Variants in INPP4B observed in about 807,000 individuals in gnomAD.
The protein encoded by INPP4B is inositol polyphosphate-4-phosphatase type II B.
Under a neutral mutation model 122.5 loss-of-function variants are expected in INPP4B, and 55 were observed. The ratio of observed to expected loss-of-function variants is 0.45; its 90% CI spans 0.36 to 0.56. The LOEUF is 0.56. Ranked by LOEUF, INPP4B falls within the 20% of genes least tolerant of loss-of-function variation. INPP4B has a pLI of 0.00. For missense variants in INPP4B, 1,000 were observed against 1,097.7 expected, an observed-to-expected ratio of 0.91 and a Z score of 1.26; for synonymous variants, 403 against 388.7, an observed-to-expected ratio of 1.04 and a Z score of -0.43.
intron 18 of INPP4B, among the ~76,000 whole-genome samples, chr4:142,126,123 C>T (rs1341703450): frequency 6.6e-6 from 1 of 152,024 alleles, no homozygotes; most frequent in African/African-American, 2.4e-5. Context: ...GATCAAAGCC[C>T]TGGCAAATGT....
chr4:142,386,599 A>G (rs1443563534), intron 7 of INPP4B, among the ~76,000 whole-genome samples: 1 of 152,176 alleles, frequency 6.6e-6, no homozygotes, highest in East Asian at 1.9e-4. Flanking sequence ...GAGTGTTCAA[A>G]CCACGTTCAA....
chr4:142,037,965 G>C (rs542049995), intron 25 of INPP4B, among the ~76,000 whole-genome samples: 43 of 152,062 alleles, frequency 2.8e-4, no homozygotes, highest in Middle Eastern at 3.2e-3. Flanking sequence ...AGTTTCCATA[G>C]TAACAAATAG....
chr4:142,483,181 G>GTTTTTTTTTT (rs1231258221), intron 2 of INPP4B, among the ~76,000 whole-genome samples: 1 of 72,396 alleles, frequency 1.4e-5, no homozygotes, highest in African/African-American at 8.5e-5. Context: ...GTCAGGCTAT[G>GTTTTTTTTTT]CTTTTTTTTT....
At chr4:142,312,202 C>T (rs1380633803) in intron 8 of INPP4B, among the ~76,000 whole-genome samples, 1 of 152,102 alleles carries the variant, frequency 6.6e-6, no homozygotes, top group East Asian at 1.9e-4. Context: ...GTGTTTGAGG[C>T]AAGCAATCTC....
In INPP4B at chr4:142,264,490, C is replaced by T. The variant is rs1213997396; in HGVS notation, c.616-3926G>A. On this transcript the variant is annotated intron_variant, in intron 10 of 25. Transcript: ENST00000262992. ...CTCTTGTAATTTTTTCTTTCTACTA[C>T]TATGTGGTTTTAATGCTTTATCTTC... 2.6e-5 allele frequency among the ~76,000 whole-genome samples: 4 copies of T among 152,074 alleles called. No homozygotes were observed. In the East Asian group the frequency reaches 7.7e-4, roughly 29 times the overall value.
chr4:142,058,282 T>G (rs557191339), intron 25 of INPP4B, among the ~76,000 whole-genome samples: 1 of 152,246 alleles, frequency 6.6e-6, no homozygotes, highest in Admixed American at 6.6e-5. Flanking sequence ...TATACTGATT[T>G]GACATTTTCA....
chr4:142,323,605 C>A (rs547182321), intron 7 of INPP4B, among the ~76,000 whole-genome samples: 1 of 152,018 alleles, frequency 6.6e-6, no homozygotes, highest in Non-Finnish European at 1.5e-5. Context: ...GCCACCACGC[C>A]TGGCTAATTT....
intron 2 of INPP4B, among the ~76,000 whole-genome samples, chr4:142,535,907 A>G (rs1216682489): frequency 1.3e-5 from 2 of 152,168 alleles, no homozygotes; most frequent in Non-Finnish European, 2.9e-5. Flanking sequence ...AACATTTCCA[A>G]CTGGATGTCC....
chr4:142,486,863 T>C (rs1233410502), intron 2 of INPP4B, among the ~76,000 whole-genome samples: 1 of 152,222 alleles, frequency 6.6e-6, no homozygotes, highest in Non-Finnish European at 1.5e-5. Flanking sequence ...AGTAAATGCC[T>C]TGATGCCTAT....
chr4:142,178,881 T>C (rs1239372815), intron 15 of INPP4B, among the ~76,000 whole-genome samples: 3 of 148,996 alleles, frequency 2.0e-5, no homozygotes, highest in Non-Finnish European at 4.4e-5. Context: ...GGAAGGAATA[T>C]ATATGCTCTC....
chr4:142,527,297 T>C (rs1403116157), intron 2 of INPP4B, among the ~76,000 whole-genome samples: 5 of 151,938 alleles, frequency 3.3e-5, no homozygotes, highest in Admixed American at 2.6e-4. Context: ...ATATTCAAAT[T>C]CATACCAGAA....
At chr4:142,774,037 T>C (rs958784032) in intron 1 of INPP4B, among the ~76,000 whole-genome samples, 15 of 152,136 alleles carry the variant, frequency 9.9e-5, no homozygotes, top group African/African-American at 3.6e-4. Context: ...TTTAACTTTT[T>C]GTTAGTTTTC....
At chr4:142,415,753 C>T (rs1372602278) in intron 5 of INPP4B, among the ~76,000 whole-genome samples, 1 of 152,070 alleles carries the variant, frequency 6.6e-6, no homozygotes, top group Non-Finnish European at 1.5e-5. Context: ...GGAACCAACC[C>T]AAATGTCCAA....
intron 7 of INPP4B, among the ~76,000 whole-genome samples, chr4:142,332,847 TAAAA>T (rs533319161): frequency 1.6e-5 from 2 of 123,438 alleles, no homozygotes; most frequent in Admixed American, 8.2e-5. Context: ...TACTAAAAAT[TAAAA>T]AAAAAAAAAA....
chr4:142,759,721 G>C (rs1415574008), intron 1 of INPP4B, among the ~76,000 whole-genome samples: 2 of 146,322 alleles, frequency 1.4e-5, no homozygotes, highest in African/African-American at 5.1e-5. Flanking sequence ...AATGAATGGA[G>C]CAAACATACT....
chr4:142,367,956 A>G lies in INPP4B; in HGVS notation c.372+34982T>C, dbSNP rs533677856. Among the ~76,000 whole-genome samples the G allele has an allele frequency of 7.9e-5, 12 of 152,278 alleles. No homozygotes were observed. In the South Asian group the frequency reaches 2.1e-3, roughly 26 times the overall value. On this transcript the variant is annotated intron_variant, in intron 7 of 25. Transcript: ENST00000262992. ...TTACATGCCAAACTTTTGAATGAAC[A>G]AATGTGCCTATCACCCAGTGTATTT...
At chr4:142,745,292 G>A (rs1490827442) in intron 1 of INPP4B, among the ~76,000 whole-genome samples, 1 of 151,726 alleles carries the variant, frequency 6.6e-6, no homozygotes, top group East Asian at 1.9e-4. Context: ...AAACAAATGG[G>A]ACAATGATAG....
chr4:142,442,920 T>C (rs1467157720), intron 3 of INPP4B, among the ~76,000 whole-genome samples: 2 of 152,186 alleles, frequency 1.3e-5, no homozygotes, highest in Non-Finnish European at 2.9e-5. Context: ...ACATCTTACA[T>C]GGCAGCAGGC....
intron 3 of INPP4B, among the ~76,000 whole-genome samples, chr4:142,459,289 G>GA (rs201442354): frequency 0.029 from 2,825 of 96,996 alleles, 28 homozygotes; most frequent in Non-Finnish European, 0.049. Context: ...ACAAACAAAT[G>GA]AAAAAAAAAA....
Sources: allele counts gnomAD v4.1 joint callset (sites outside exome capture counted in the v4.1 genomes callset), GRCh38; gene constraint gnomAD v4.1.1; transcripts MANE v1.5; gene names NCBI Gene and HGNC (gene_info 2026-07-23, HGNC 2026-07-21).